The following ALKBH8 variants were observed in gnomAD, a reference collection of about 807,000 sequenced individuals.
ALKBH8 encodes tRNA (carboxymethyluridine(34)-5-O)-methyltransferase ALKBH8.
In ALKBH8, 36 loss-of-function variants were observed where a neutral mutation model predicts 59.8. That is an observed-to-expected ratio of 0.60 (90% CI 0.46 to 0.79). ALKBH8 has a LOEUF of 0.79. ALKBH8 is among the 30% of genes least tolerant of loss of function. The probability of loss-of-function intolerance (pLI) is 0.00; values close to 1 mark genes in which losing one functional copy is unlikely to be tolerated. For missense variants in ALKBH8, 768 were observed against 801.0 expected (o/e 0.96, Z 0.50); for synonymous variants, 276 against 273.6 (o/e 1.01, Z -0.09).
chr11:107,552,929 C>T (rs776791790), intron 5 of ALKBH8, among the ~76,000 whole-genome samples, 179 bp downstream of exon 5: 1 of 152,036 alleles, frequency 6.6e-6, no homozygotes, highest in Non-Finnish European at 1.5e-5. Flanking sequence ...TCAGCTCTAT[C>T]CAGTTTGAAA....
In ALKBH8 at chr11:107,503,215, T is replaced by G. The variant is rs1273740722; in HGVS notation, c.*1443A>C. ...AATAAAACTATTTTTAGCCCTATAT[T>G]CCTTTTCCTATATCATGAGCCTTAT... On this transcript the variant is annotated 3_prime_UTR_variant, in exon 12 of 12. Coordinates refer to ENST00000428149, the MANE Select transcript of ALKBH8 (RefSeq NM_138775.3). 2 of 152,178 alleles carry G rather than the reference T, an allele frequency of 1.3e-5. No individual in the cohort carries two copies. The highest frequency in any genetic ancestry group is 2.9e-5 in the Non-Finnish European group (2 of 68,028). The allele number at this position is 152,178 out of a possible 1,614,324, so 9.4% of individuals were successfully genotyped here.
intron 7 of ALKBH8, among the ~76,000 whole-genome samples, chr11:107,545,823 T>C (rs1399637321): frequency 6.6e-6 from 1 of 152,156 alleles, no homozygotes; most frequent in African/African-American, 2.4e-5. Flanking sequence ...AAGATGGACT[T>C]CCCGAAATTG....
chr11:107,550,973 T>TA (rs1040839359), intron 6 of ALKBH8, among the ~76,000 whole-genome samples: 1 of 152,050 alleles, frequency 6.6e-6, no homozygotes, highest in African/African-American at 2.4e-5. Flanking sequence ...CCAAAAAAAG[T>TA]AAAAAATAAA....
At chr11:107,531,311 T>C (rs924453404) in intron 8 of ALKBH8, among the ~76,000 whole-genome samples, 7 of 152,198 alleles carry the variant, frequency 4.6e-5, no homozygotes, top group African/African-American at 1.7e-4. Flanking sequence ...GGACAGTATA[T>C]GTAAATTGCA....
At chr11:107,563,993 C>G (rs1865037052) in intron 1 of ALKBH8, among the ~76,000 whole-genome samples, 1 of 152,166 alleles carries the variant, frequency 6.6e-6, no homozygotes, top group South Asian at 2.1e-4. Flanking sequence ...CAAGGATAGG[C>G]TGATACCAGC....
intron 7 of ALKBH8, among the ~76,000 whole-genome samples, chr11:107,532,612 G>A (rs542227228): frequency 2.0e-5 from 3 of 152,254 alleles, no homozygotes; most frequent in Admixed American, 2.0e-4. Flanking sequence ...TTCATCCACA[G>A]AGATTCAGAA....
intron 2 of ALKBH8, among the ~76,000 whole-genome samples, chr11:107,560,247 C>A (rs17107151): frequency 6.6e-6 from 1 of 152,088 alleles, no homozygotes; most frequent in Non-Finnish European, 1.5e-5. Flanking sequence ...AATGAAAAGA[C>A]TTTGTTAATA....
chr11:107,515,894 C>T (rs954475595), intron 10 of ALKBH8, among the ~76,000 whole-genome samples: 2 of 152,080 alleles, frequency 1.3e-5, no homozygotes, highest in Non-Finnish European at 2.9e-5. Context: ...TTTAAAAGAG[C>T]AATTAGGCAA....
intron 7 of ALKBH8, among the ~76,000 whole-genome samples, chr11:107,540,563 C>T (rs1372230387): frequency 6.6e-6 from 1 of 152,178 alleles, no homozygotes; most frequent in Non-Finnish European, 1.5e-5. Flanking sequence ...GCCACCATTG[C>T]ACATCCAATA....
chr11:107,530,268 TA>T (rs746987952), intron 8 of ALKBH8, among the ~76,000 whole-genome samples: 1 of 152,154 alleles, frequency 6.6e-6, no homozygotes, highest in Non-Finnish European at 1.5e-5. Flanking sequence ...CTTGAACAAA[TA>T]AAAGTTAGAT....
intron 11 of ALKBH8, among the ~76,000 whole-genome samples, chr11:107,508,054 T>C (rs1591240460): frequency 2.0e-5 from 3 of 152,006 alleles, no homozygotes; most frequent in Admixed American, 2.0e-4. Flanking sequence ...AAATTATAAA[T>C]AAATAAATAA....
At chr11:107,536,284 A>G (rs11212277) in intron 7 of ALKBH8, among the ~76,000 whole-genome samples, 1 of 152,148 alleles carries the variant, frequency 6.6e-6, no homozygotes, top group African/African-American at 2.4e-5. Context: ...CATTCATTGC[A>G]TAATTAAACT....
At chr11:107,544,102 C>A (rs1864155850) in intron 7 of ALKBH8, among the ~76,000 whole-genome samples, 1 of 152,158 alleles carries the variant, frequency 6.6e-6, no homozygotes, top group Non-Finnish European at 1.5e-5. Context: ...GTTTTCTGAA[C>A]TCTATTGATT....
intron 4 of ALKBH8, 129 bp downstream of exon 4, chr11:107,553,718 T>G: frequency 1.0e-6 from 1 of 952,750 alleles, no homozygotes; most frequent in Non-Finnish European, 1.5e-6. Context: ...TTGGTATGAC[T>G]TGCCTAACAT....
intron 2 of ALKBH8, among the ~76,000 whole-genome samples, chr11:107,560,454 A>G (rs74952845): frequency 0.018 from 2,724 of 152,218 alleles, 85 homozygotes; most frequent in African/African-American, 0.063. Context: ...CACCTATCTC[A>G]TAAGGACTTC....
chr11:107,509,680 T>C (rs1181128002), intron 11 of ALKBH8, among the ~76,000 whole-genome samples: 2 of 152,182 alleles, frequency 1.3e-5, no homozygotes, highest in Non-Finnish European at 2.9e-5. Flanking sequence ...TTGCATATGG[T>C]GTAATGTAAG....
intron 11 of ALKBH8, among the ~76,000 whole-genome samples, chr11:107,507,501 A>G (rs919221669): frequency 6.6e-6 from 1 of 152,158 alleles, no homozygotes; most frequent in African/African-American, 2.4e-5. Flanking sequence ...AAAATGGTTG[A>G]AAAAAAGATT....
rs916287864 is a variant in ALKBH8 at position 107,503,641 on chromosome 11, T to C, written c.*1017A>G. On this transcript the variant is annotated 3_prime_UTR_variant, in exon 12 of 12. Coordinates refer to ENST00000428149, the MANE Select transcript of ALKBH8 (RefSeq NM_138775.3). ...TGTACAGATCTTAAAAATAACCCGA[T>C]TGAACCTGGATTGGGACAAACTATG... 6.6e-6 allele frequency: 1 copy of C among 152,146 alleles called. No homozygotes were observed. Among genetic ancestry groups the C allele is most frequent in the Admixed American group, 6.6e-5 (1 of 15,264 alleles). The allele number at this position is 152,146 out of a possible 1,614,324, so 9.4% of individuals were successfully genotyped here.
rs2135576232 is a variant in ALKBH8, at chr11:107,553,179, C to A, written c.524G>T (p.Arg175Ile). The A allele has an allele frequency of 6.2e-7, 1 of 1,608,454 alleles. No homozygotes were observed. Among genetic ancestry groups the A allele is most frequent in the East Asian group, 2.2e-5 (1 of 44,536 alleles). The change falls in exon 5 of 12, where the codon AGA (arginine) becomes ATA (isoleucine). Residue 175 changes from arginine (R) to isoleucine (I), a missense_variant. Coordinates refer to ENST00000428149, the MANE Select transcript of ALKBH8 (RefSeq NM_138775.3). ...GAACTCATAACCAAAATGCTTTACT[C>A]TTCTGTGTTTTAAGGATTTTTGAGC... ...QNSQKSLKHR[R>I]VKHFGYEFHY...
Sources: allele counts gnomAD v4.1 joint callset (sites outside exome capture counted in the v4.1 genomes callset), GRCh38; gene constraint gnomAD v4.1.1; transcripts MANE v1.5; gene names NCBI Gene and HGNC (gene_info 2026-07-23, HGNC 2026-07-21).